The following MAST4 variants were observed in gnomAD, a reference collection of about 807,000 sequenced individuals.
The protein encoded by MAST4 is microtubule associated serine/threonine kinase family member 4, also known as microtubule-associated serine/threonine-protein kinase 4.
MAST4 carries 89 observed loss-of-function variants against 162.7 expected under a neutral mutation model. That is an observed-to-expected ratio of 0.55 (90% CI 0.46 to 0.65). The LOEUF (loss-of-function observed/expected upper bound fraction) is 0.65, where lower values mean the gene tolerates loss of function less well. Among genes scored for constraint, MAST4 ranks in the 30% least tolerant of loss-of-function variants. The pLI is 0.00. For synonymous variants in MAST4, 1,479 were observed against 1,361.1 expected (o/e 1.09, Z -1.91); for missense variants, 3,153 against 3,374.0 (o/e 0.93, Z 1.62).
intron 1 of MAST4, among the ~76,000 whole-genome samples, chr5:66,688,958 A>G (rs1276805299): frequency 1.3e-5 from 2 of 152,172 alleles, no homozygotes; most frequent in Non-Finnish European, 2.9e-5. Context: ...ATTTACAAGT[A>G]TGTCTCTACC....
intron 1 of MAST4, among the ~76,000 whole-genome samples, chr5:66,743,429 G>C (rs572198821): frequency 3.0e-4 from 46 of 152,356 alleles, no homozygotes; most frequent in African/African-American, 8.4e-4. Flanking sequence ...TGGGGTGTCA[G>C]TGCTATTACC....
chr5:66,711,366 C>A (rs1750485390), intron 1 of MAST4, among the ~76,000 whole-genome samples: 1 of 152,198 alleles, frequency 6.6e-6, no homozygotes, highest in Non-Finnish European at 1.5e-5. Context: ...ATTCCTTTTG[C>A]AGGGTCTGGG....
intron 3 of MAST4, among the ~76,000 whole-genome samples, chr5:66,801,551 C>A (rs562401648): frequency 6.6e-6 from 1 of 152,272 alleles, no homozygotes; most frequent in East Asian, 1.9e-4. Context: ...GTGCTCATAC[C>A]CCGATTTTTA....
At chr5:66,908,901 A>G (rs1763557507) in intron 4 of MAST4, among the ~76,000 whole-genome samples, 1 of 152,206 alleles carries the variant, frequency 6.6e-6, no homozygotes, top group Non-Finnish European at 1.5e-5. Flanking sequence ...TAGAATGAGA[A>G]TATTATTGTG....
intron 7 of MAST4, among the ~76,000 whole-genome samples, chr5:67,095,919 A>G (rs1206087839): frequency 6.6e-6 from 1 of 152,174 alleles, no homozygotes; most frequent in Non-Finnish European, 1.5e-5. Flanking sequence ...TTTGGAGGAA[A>G]CTGGAAGCTT....
At chr5:66,904,961 CT>C (rs1235219031) in intron 4 of MAST4, among the ~76,000 whole-genome samples, 30 of 152,120 alleles carry the variant, frequency 2.0e-4, no homozygotes, top group African/African-American at 6.5e-4. Context: ...ACCCCGGTGT[CT>C]TATTGTTCCC....
chr5:66,861,082 G>GT (rs1344055522), intron 3 of MAST4, among the ~76,000 whole-genome samples: 1 of 152,186 alleles, frequency 6.6e-6, no homozygotes, highest in Non-Finnish European at 1.5e-5. Flanking sequence ...TTGGGTCACA[G>GT]TAACTGGAGG....
intron 4 of MAST4, among the ~76,000 whole-genome samples, chr5:66,912,246 G>C (rs1259315224): frequency 6.6e-6 from 1 of 152,140 alleles, no homozygotes; most frequent in African/African-American, 2.4e-5. Flanking sequence ...CCTTTTCTCA[G>C]CTCCTTTTGG....
rs867387468 is a variant in MAST4 at position 67,166,348 on chromosome 5, G to C, written c.7169G>C (p.Gly2390Ala). 1 of 1,607,944 alleles carries C rather than the reference G, an allele frequency of 6.2e-7. No homozygotes were observed. Among genetic ancestry groups the C allele is most frequent in the Non-Finnish European group, 8.5e-7 (1 of 1,177,170 alleles). The change falls in exon 29 of 29, where the codon GGC becomes GCC. Residue 2390 changes from glycine to alanine, a missense_variant. Physicochemically the swap from Gly to Ala is moderately conservative, Grantham distance 60 (BLOSUM62 0). Transcript: ENST00000403625. ...APAEGDKLEA[G>A]LSFVHSENRL... Reference sequence around the variant, plus strand: ...GCAGAGGGCGACAAGCTCGAGGCCGGCCTTTCCTTTGTGCATAGCGAGAAC... The same window carrying C: ...GCAGAGGGCGACAAGCTCGAGGCCGCCCTTTCCTTTGTGCATAGCGAGAAC...
At chr5:66,872,151 T>TTTGTTTG (rs1760979609) in intron 3 of MAST4, among the ~76,000 whole-genome samples, 4 of 150,314 alleles carry the variant, frequency 2.7e-5, no homozygotes, top group East Asian at 4.0e-4. Flanking sequence ...GATATAAATT[T>TTTGTTTG]TTTGTTTGTT....
intron 1 of MAST4, among the ~76,000 whole-genome samples, chr5:66,634,497 A>T (rs996460901): frequency 4.6e-5 from 7 of 152,048 alleles, no homozygotes; most frequent in African/African-American, 1.7e-4. Flanking sequence ...TGTTGTTTTG[A>T]TTCTTTAAAA....
At chr5:66,682,947 C>T (rs1270866154) in intron 1 of MAST4, among the ~76,000 whole-genome samples, 1 of 152,138 alleles carries the variant, frequency 6.6e-6, no homozygotes, top group Non-Finnish European at 1.5e-5. Context: ...CTTTGGCTGT[C>T]CTCTTGGCTG....
chr5:66,616,578 C>G (rs982639149), intron 1 of MAST4, among the ~76,000 whole-genome samples: 4 of 152,154 alleles, frequency 2.6e-5, no homozygotes, highest in South Asian at 4.2e-4. Context: ...CGGGGCTCTT[C>G]TGGACTGGAC....
chr5:66,887,855 C>T lies in MAST4; in HGVS notation c.643-12096C>T, dbSNP rs1378415301. 3.9e-5 allele frequency among the ~76,000 whole-genome samples: 6 copies of T among 152,120 alleles called. No individual in the cohort carries two copies. In the East Asian group the frequency reaches 1.2e-3, roughly 29 times the overall value. ...TAGGAAGCAGAGAATCTTACCTTAA[C>T]CCATGGTCTTCATTCTCGAAGTTCT... On this transcript the variant is annotated intron_variant, in intron 3 of 28. Coordinates refer to ENST00000403625, the MANE Select transcript of MAST4 (RefSeq NM_001164664.2).
At chr5:66,616,139 T>C (rs1579996589) in intron 1 of MAST4, among the ~76,000 whole-genome samples, 2 of 152,158 alleles carry the variant, frequency 1.3e-5, no homozygotes, top group Non-Finnish European at 1.5e-5. Flanking sequence ...TTAAGGGAAG[T>C]TGAAGCTCTG....
intron 2 of MAST4, among the ~76,000 whole-genome samples, chr5:66,771,980 C>G (rs1318501905): frequency 5.9e-5 from 9 of 152,200 alleles, no homozygotes; most frequent in African/African-American, 1.4e-4. Flanking sequence ...CTGATCCATG[C>G]TCATCTTCTC....
chr5:66,880,547 A>G (rs1761626140), intron 3 of MAST4, among the ~76,000 whole-genome samples: 1 of 152,124 alleles, frequency 6.6e-6, no homozygotes, highest in African/African-American at 2.4e-5. Flanking sequence ...TCTAACTTCT[A>G]CTGGATTCCT....
intron 4 of MAST4, among the ~76,000 whole-genome samples, chr5:66,947,017 A>G (rs1207520203): frequency 6.6e-6 from 1 of 152,146 alleles, no homozygotes; most frequent in African/African-American, 2.4e-5. Context: ...AAATAAAATG[A>G]ATGATTACAG....
At chr5:66,956,529 C>G (rs1048892198) in intron 4 of MAST4, among the ~76,000 whole-genome samples, 24 of 152,158 alleles carry the variant, frequency 1.6e-4, no homozygotes, top group African/African-American at 5.6e-4. Context: ...ATTTCCCCAT[C>G]TGTGAGGTGT....
Sources: allele counts gnomAD v4.1 joint callset (sites outside exome capture counted in the v4.1 genomes callset), GRCh38; gene constraint gnomAD v4.1.1; transcripts MANE v1.5; gene names NCBI Gene and HGNC (gene_info 2026-07-23, HGNC 2026-07-21).